Variants in CUX1 observed in about 807,000 individuals in gnomAD.
CUX1 encodes protein CASP.
A neutral mutation model predicts 158.8 loss-of-function variants in CUX1; 31 were observed. The observed-to-expected ratio is 0.20, with a 90% CI of 0.15 to 0.26. The LOEUF (loss-of-function observed/expected upper bound fraction) is 0.26. Ranked by LOEUF, CUX1 falls within the 10% of genes least tolerant of loss-of-function variation. The pLI, the probability that CUX1 is intolerant of heterozygous loss-of-function variation, is 1.00. For synonymous variants in CUX1, 879 were observed against 862.1 expected, an observed-to-expected ratio of 1.02 and a Z score of -0.34; for missense variants, 1,589 against 2,014.6, an observed-to-expected ratio of 0.79 and a Z score of 4.04.
chr7:102,049,197 T>G (rs1823193324), intron 3 of CUX1, among the ~76,000 whole-genome samples: 2 of 152,200 alleles, frequency 1.3e-5, no homozygotes, highest in South Asian at 4.1e-4. Flanking sequence ...AGAGACTCAC[T>G]CGGAGAAATT....
chr7:102,025,634 G>GGA, intron 2 of CUX1, among the ~76,000 whole-genome samples: 1 of 148,806 alleles, frequency 6.7e-6, no homozygotes, highest in East Asian at 2.0e-4. Context: ...TCTTAGGTGG[G>GGA]AAAAAAAAAA....
intron 22 of CUX1, among the ~76,000 whole-genome samples, chr7:102,235,386 C>T (rs1771088900): frequency 6.6e-6 from 1 of 152,156 alleles, no homozygotes; most frequent in Non-Finnish European, 1.5e-5. Flanking sequence ...TCAGCTAACG[C>T]AGAGGACCTT....
intron 9 of CUX1, among the ~76,000 whole-genome samples, chr7:102,158,961 C>T (rs782272882): frequency 2.0e-5 from 3 of 151,762 alleles, no homozygotes; most frequent in Non-Finnish European, 4.4e-5. Flanking sequence ...GAATTATCCT[C>T]GGAGAGTTCC....
chr7:102,033,043 T>C (rs1192782908), intron 3 of CUX1, among the ~76,000 whole-genome samples: 2 of 152,176 alleles, frequency 1.3e-5, no homozygotes, highest in Non-Finnish European at 2.9e-5. Flanking sequence ...AGAGAACCTC[T>C]TGGTAGTGGG....
intron 1 of CUX1, among the ~76,000 whole-genome samples, chr7:101,845,579 T>C (rs1795604384): frequency 6.6e-6 from 1 of 152,194 alleles, no homozygotes; most frequent in Non-Finnish European, 1.5e-5. Context: ...CTAGATAGGC[T>C]TGGGGCTGGC....
chr7:102,186,092 G>A (rs1793591826), intron 11 of CUX1, among the ~76,000 whole-genome samples: 1 of 152,190 alleles, frequency 6.6e-6, no homozygotes, highest in African/African-American at 2.4e-5. Context: ...TCGAAACCAG[G>A]CTTTCTGGGA....
intron 4 of CUX1, among the ~76,000 whole-genome samples, chr7:102,075,348 A>G (rs1456874154): frequency 6.6e-6 from 1 of 152,118 alleles, no homozygotes; most frequent in Non-Finnish European, 1.5e-5. Flanking sequence ...ACCTGTTGAG[A>G]CGCCACTTCC....
At chr7:102,155,549 GA>G (rs781932414) in intron 8 of CUX1, among the ~76,000 whole-genome samples, 103 of 142,992 alleles carry the variant, frequency 7.2e-4, no homozygotes, top group African/African-American at 1.5e-3. Flanking sequence ...GTCTCAAAAA[GA>G]AAAAAAAAAA....
intron 20 of CUX1, among the ~76,000 whole-genome samples, chr7:102,216,576 ACAC>A: frequency 2.5e-5 from 1 of 40,492 alleles, no homozygotes; most frequent in Admixed American, 3.5e-4. Flanking sequence ...TCCCACACAC[ACAC>A]TCTCCCACAC....
chr7:101,867,812 T>G (rs546876795), intron 1 of CUX1, among the ~76,000 whole-genome samples: 1 of 152,002 alleles, frequency 6.6e-6, no homozygotes, highest in South Asian at 2.1e-4. Flanking sequence ...AAAGTCCAAA[T>G]GCAACTTTTT....
At chr7:101,842,597 G>A (rs1030595226) in intron 1 of CUX1, among the ~76,000 whole-genome samples, 17 of 152,074 alleles carry the variant, frequency 1.1e-4, no homozygotes, top group African/African-American at 4.1e-4. Flanking sequence ...TGTTGCTCAG[G>A]CTGGTCTTTA....
chr7:101,844,020 C>G (rs951686302), intron 1 of CUX1, among the ~76,000 whole-genome samples: 1 of 152,166 alleles, frequency 6.6e-6, no homozygotes, highest in African/African-American at 2.4e-5. Flanking sequence ...TTGGGACTTT[C>G]AGAGCTCACC....
chr7:101,882,089 T>C (rs1584869255), intron 1 of CUX1, among the ~76,000 whole-genome samples: 1 of 148,424 alleles, frequency 6.7e-6, no homozygotes, highest in African/African-American at 2.5e-5. Flanking sequence ...GAGGCTGAGG[T>C]GGGAGGATCG....
At chr7:102,238,234 G>T (rs904345341) in intron 22 of CUX1, among the ~76,000 whole-genome samples, 12 of 151,972 alleles carry the variant, frequency 7.9e-5, no homozygotes, top group African/African-American at 2.7e-4. Flanking sequence ...TCCCTTTCCC[G>T]GTCTGCTAAG....
intron 2 of CUX1, among the ~76,000 whole-genome samples, chr7:102,005,235 A>G (rs1168252258): frequency 6.6e-6 from 1 of 152,000 alleles, no homozygotes; most frequent in Non-Finnish European, 1.5e-5. Context: ...GCATTAAAAA[A>G]TCTCCACTGG....
chr7:102,054,973 A>G (rs1823971783), intron 3 of CUX1, among the ~76,000 whole-genome samples: 4 of 148,068 alleles, frequency 2.7e-5, no homozygotes, highest in Admixed American at 6.7e-5. Context: ...CCTGTCTCCA[A>G]AAAAAAAAAA....
At chr7:101,823,453 G>C (rs932160823) in intron 1 of CUX1, among the ~76,000 whole-genome samples, 1 of 152,148 alleles carries the variant, frequency 6.6e-6, no homozygotes, top group Non-Finnish European at 1.5e-5. Flanking sequence ...TAAAGCACAC[G>C]ACCCCCCAGA....
At chr7:102,191,778 T>C (rs921178814) in intron 12 of CUX1, among the ~76,000 whole-genome samples, 24 of 146,120 alleles carry the variant, frequency 1.6e-4, no homozygotes, top group African/African-American at 5.1e-4. Flanking sequence ...CCTCTTCCTC[T>C]TCTTCTTCCT....
Position 101,943,482 on chromosome 7 carries a change from G to A in CUX1, c.141+27257G>A, listed in dbSNP as rs139616037. Among the ~76,000 whole-genome samples, 590 of 152,034 alleles carry A rather than the reference G, an allele frequency of 3.9e-3. 2 individuals carry two copies. Among genetic ancestry groups the A allele is most frequent in the Non-Finnish European group, 7.0e-3 (474 of 67,990 alleles). On this transcript the variant is annotated intron_variant, in intron 2 of 23. Coordinates refer to ENST00000292535, the MANE Select transcript of CUX1 (RefSeq NM_181552.4). ...ACCCCGAGCTGGCAGATGCTCTCCC[G>A]CGCGGCGGCGGCTGACGTCAGTGCT...
Sources: allele counts gnomAD v4.1 joint callset (sites outside exome capture counted in the v4.1 genomes callset), GRCh38; gene constraint gnomAD v4.1.1; transcripts MANE v1.5; gene names NCBI Gene and HGNC (gene_info 2026-07-23, HGNC 2026-07-21).